Variants in WASF2 observed in about 807,000 individuals in gnomAD.
WASF2 encodes the protein actin-binding protein WASF2.
In WASF2, 14 loss-of-function variants were observed where a neutral mutation model predicts 45.0. That is an observed-to-expected ratio of 0.31 (90% CI 0.21 to 0.49). The LOEUF (loss-of-function observed/expected upper bound fraction) is 0.49. WASF2 is among the 20% of genes least tolerant of loss of function. The probability of loss-of-function intolerance (pLI) is 0.99; values close to 1 mark genes in which losing one functional copy is unlikely to be tolerated. For synonymous variants in WASF2, 200 were observed against 236.3 expected (o/e 0.85, Z 1.41); for missense variants, 439 against 636.1 (o/e 0.69, Z 3.33).
At chr1:27,420,203 G>A (rs983274294) in intron 2 of WASF2, among the ~76,000 whole-genome samples, 6 of 151,944 alleles carry the variant, frequency 3.9e-5, no homozygotes, top group Non-Finnish European at 7.4e-5. Context: ...CACCATGCCC[G>A]GCTTGTAACC....
chr1:27,456,867 C>G (rs2017475104), intron 1 of WASF2, among the ~76,000 whole-genome samples: 1 of 151,862 alleles, frequency 6.6e-6, no homozygotes. Context: ...TCCCAAGTAG[C>G]TGGGAATATA....
chr1:27,487,644 T>TTATATATATTTTATACTA (rs1491300311), intron 1 of WASF2, among the ~76,000 whole-genome samples: 1 of 79,774 alleles, frequency 1.3e-5, no homozygotes, highest in Non-Finnish European at 2.2e-5. Flanking sequence ...ATAATATATA[T>TTATATATATTTTATACTA]TATATATTAT....
At chr1:27,466,223 T>A (rs1437000780) in intron 1 of WASF2, among the ~76,000 whole-genome samples, 1 of 152,250 alleles carries the variant, frequency 6.6e-6, no homozygotes, top group Non-Finnish European at 1.5e-5. Flanking sequence ...GTAAACTTTT[T>A]CTTTTTTGAA....
At position 27,409,965 on chromosome 1, in the gene WASF2, G is replaced by A. The variant is rs1270620929; in HGVS notation, c.1066C>T (p.Pro356Ser). The change falls in exon 8 of 9, where the codon CCA becomes TCA. Residue 356 changes from proline to serine, a missense_variant. Pro to Ser is a moderately conservative substitution (Grantham distance 74, BLOSUM62 -1). This residue lies in a region of WASF2 where 286 missense variants were observed against 373.5 expected (regional missense o/e 0.77). Coordinates refer to ENST00000618852, the MANE Select transcript of WASF2 (RefSeq NM_006990.5). Reference protein sequence around the residue: ...TPPPPSPPSFPPHPDFAAPPP... With the variant: ...TPPPPSPPSFSPHPDFAAPPP... ...GGGGCAGCAAAATCAGGGTGAGGTG[G>A]GAAAGATGGGGGTGAGGGTGGTGGA... The A allele has an allele frequency of 6.2e-7, 1 of 1,612,634 alleles. No homozygotes were observed. The highest frequency in any genetic ancestry group is 8.5e-7 in the Non-Finnish European group (1 of 1,179,392).
intron 2 of WASF2, 76 bp downstream of exon 2, chr1:27,428,685 G>A (rs1402937360): frequency 3.7e-6 from 6 of 1,607,216 alleles, no homozygotes; most frequent in Middle Eastern, 1.7e-4. Context: ...AAATAGGAAC[G>A]CGGGAGGAGA....
In WASF2 at chr1:27,487,644, T is replaced by TTATATATATTTTATACAATA. The variant is rs1491300311; in HGVS notation, c.-44+2341_-44+2342insTATTGTATAAAATATATATA. 7.0e-3 allele frequency among the ~76,000 whole-genome samples: 547 copies of TTATATATATTTTATACAATA among 78,292 alleles called. 5 individuals are homozygous for TTATATATATTTTATACAATA. The highest frequency in any genetic ancestry group is 0.03 in the East Asian group (62 of 2,034). 51.4% of individuals were successfully genotyped at this position (78,292 alleles called of 152,430 possible). ...TATTTTATACAATATATAATATATA[T>TTATATATATTTTATACAATA]TATATATTATATAATATATATTATA... On this transcript the variant is annotated intron_variant, in intron 1 of 8. Coordinates refer to ENST00000618852, the MANE Select transcript of WASF2 (RefSeq NM_006990.5).
rs962073860 is a variant in WASF2, at chr1:27,450,509, G to GT, written c.-43-21577dup. On this transcript the variant is annotated intron_variant, in intron 1 of 8. Coordinates refer to ENST00000618852, the MANE Select transcript of WASF2 (RefSeq NM_006990.5). ...TTTTCCCTCTCCCAGACTCTTTTTT[G>GT]TTTTTTTTGAGACAGAGTTTCACTC... Among the ~76,000 whole-genome samples, 400 of 151,022 alleles carry GT rather than the reference G, an allele frequency of 2.6e-3. 1 individual carries two copies. The highest frequency in any genetic ancestry group is 8.7e-3 in the African/African-American group (360 of 41,222).
At chr1:27,456,191 G>A (rs1458871442) in intron 1 of WASF2, among the ~76,000 whole-genome samples, 3 of 151,608 alleles carry the variant, frequency 2.0e-5, no homozygotes, top group Admixed American at 6.6e-5. Flanking sequence ...GCGTGGTGGC[G>A]GGCACCTGTA....
chr1:27,463,202 T>C (rs1346215153), intron 1 of WASF2, among the ~76,000 whole-genome samples: 1 of 152,228 alleles, frequency 6.6e-6, no homozygotes, highest in East Asian at 1.9e-4. Context: ...GACTATGCTT[T>C]TTGAAGGTAT....
chr1:27,470,645 C>G (rs1244108650), intron 1 of WASF2, among the ~76,000 whole-genome samples: 5 of 141,170 alleles, frequency 3.5e-5, no homozygotes, highest in African/African-American at 1.3e-4. Context: ...AAATGAAGAG[C>G]AGTAAGTCAG....
intron 1 of WASF2, among the ~76,000 whole-genome samples, chr1:27,459,070 G>A (rs900561289): frequency 2.0e-5 from 3 of 150,434 alleles, no homozygotes; most frequent in Non-Finnish European, 4.4e-5. Context: ...AGGTTGCAGT[G>A]AGCCGAGATC....
intron 2 of WASF2, among the ~76,000 whole-genome samples, chr1:27,428,384 G>A (rs1463914091): frequency 6.6e-6 from 1 of 152,208 alleles, no homozygotes; most frequent in Non-Finnish European, 1.5e-5. Context: ...CGAACAGCTC[G>A]TGTAATTACA....
At chr1:27,426,143 T>C (rs1412400723) in intron 2 of WASF2, among the ~76,000 whole-genome samples, 1 of 152,018 alleles carries the variant, frequency 6.6e-6, no homozygotes, top group Non-Finnish European at 1.5e-5. Context: ...AATTCCACAG[T>C]GAGGAAGAGG....
chr1:27,479,829 CAT>C (rs1382273642), intron 1 of WASF2, among the ~76,000 whole-genome samples: 1 of 152,250 alleles, frequency 6.6e-6, no homozygotes, highest in East Asian at 1.9e-4. Context: ...GGCGCCACTA[CAT>C]TCCAGCCTGG....
rs2016656535 is a variant in WASF2, at chr1:27,405,508, A to G, written c.*2681T>C. The G allele has an allele frequency of 1.3e-5, 2 of 151,792 alleles. No individual in the cohort carries two copies. Among genetic ancestry groups the G allele is most frequent in the African/African-American group, 4.9e-5 (2 of 41,212 alleles). 9.4% of individuals were successfully genotyped at this position (151,792 alleles called of 1,614,324 possible). A position where few individuals can be genotyped will look rare whatever the true frequency, so the allele number is the denominator to read the frequency against. ...CTTAGGCCCAGATTAAATAATCACT[A>G]AACTTTGCATTCTACATTACGTGAG... On this transcript the variant is annotated 3_prime_UTR_variant, in exon 9 of 9. Coordinates refer to ENST00000618852, the MANE Select transcript of WASF2 (RefSeq NM_006990.5).
chr1:27,452,380 G>T (rs1264649309), intron 1 of WASF2, among the ~76,000 whole-genome samples: 6 of 152,138 alleles, frequency 3.9e-5, no homozygotes, highest in East Asian at 1.9e-4. Context: ...GGGCGTGGTG[G>T]TGCGCACCTG....
intron 1 of WASF2, among the ~76,000 whole-genome samples, chr1:27,489,581 T>A (rs1303037777): frequency 1.3e-5 from 2 of 152,070 alleles, no homozygotes; most frequent in Admixed American, 1.3e-4. Flanking sequence ...GAAGAACTTG[T>A]CCAAGATCTC....
At chr1:27,448,369 T>C (rs2017338355) in intron 1 of WASF2, among the ~76,000 whole-genome samples, 1 of 152,188 alleles carries the variant, frequency 6.6e-6, no homozygotes. Flanking sequence ...GACTAGATCG[T>C]ACTCAAAGCA....
intron 1 of WASF2, among the ~76,000 whole-genome samples, chr1:27,482,261 T>C (rs1487685758): frequency 2.0e-5 from 3 of 152,226 alleles, no homozygotes; most frequent in Non-Finnish European, 4.4e-5. Flanking sequence ...TTGTCATTAA[T>C]TTATGAATGC....
Sources: gnomAD v4.1 joint callset for allele counts (sites outside exome capture counted in the v4.1 genomes callset) on GRCh38, gnomAD v4.1.1 for gene constraint, gnomAD v4.1.1 regional missense constraint, MANE v1.5 for transcripts, NCBI Gene and HGNC (gene_info 2026-07-23, HGNC 2026-07-21) for gene names.